The following EFNA5 variants were observed in gnomAD, a reference collection of about 807,000 sequenced individuals.
EFNA5 encodes ephrin-A5.
Under a neutral mutation model 22.9 loss-of-function variants are expected in EFNA5, and 5 were observed. That is an observed-to-expected ratio of 0.22 (90% CI 0.11 to 0.46). The LOEUF is 0.46. Ranked by LOEUF, EFNA5 falls within the 20% of genes least tolerant of loss-of-function variation. EFNA5 has a pLI of 0.99. For missense variants in EFNA5, 237 were observed against 293.3 expected (o/e 0.81, Z 1.40); for synonymous variants, 113 against 112.2 (o/e 1.01, Z -0.04).
intron 1 of EFNA5, among the ~76,000 whole-genome samples, chr5:107,539,575 C>T (rs533519794): frequency 1.2e-4 from 18 of 152,312 alleles, no homozygotes; most frequent in African/African-American, 4.1e-4. Flanking sequence ...TCTCCTGTCT[C>T]AGCCTCCCAA....
At chr5:107,655,557 T>C (rs945456847) in intron 1 of EFNA5, among the ~76,000 whole-genome samples, 5 of 152,128 alleles carry the variant, frequency 3.3e-5, no homozygotes, top group African/African-American at 1.2e-4. Flanking sequence ...GTACAGCGCA[T>C]AAGGATCATT....
chr5:107,563,903 C>G, intron 1 of EFNA5, among the ~76,000 whole-genome samples: 1 of 152,290 alleles, frequency 6.6e-6, no homozygotes, highest in South Asian at 2.1e-4. Context: ...CAGTCTTGTT[C>G]GCAAGTCATC....
At chr5:107,460,186 A>G (rs1749797599) in intron 1 of EFNA5, among the ~76,000 whole-genome samples, 1 of 152,182 alleles carries the variant, frequency 6.6e-6, no homozygotes, top group African/African-American at 2.4e-5. Context: ...TAAAAGCAGA[A>G]CATATGTAAA....
intron 2 of EFNA5, among the ~76,000 whole-genome samples, chr5:107,389,642 A>AT (rs1166609782): frequency 6.6e-6 from 1 of 152,156 alleles, no homozygotes; most frequent in Non-Finnish European, 1.5e-5. Flanking sequence ...GGTCTTTCAG[A>AT]TTTTTCTTTA....
chr5:107,516,173 T>TG (rs1747473103), intron 1 of EFNA5, among the ~76,000 whole-genome samples: 2 of 126,358 alleles, frequency 1.6e-5, no homozygotes, highest in East Asian at 2.3e-4. Flanking sequence ...CCTGGCTAGT[T>TG]TTGTGTGTGT....
At chr5:107,413,134 C>T (rs1748414872) in intron 2 of EFNA5, among the ~76,000 whole-genome samples, 1 of 152,146 alleles carries the variant, frequency 6.6e-6, no homozygotes, top group South Asian at 2.1e-4. Context: ...GCCCAACTCT[C>T]CAAACCTAAT....
At chr5:107,606,978 TTTTC>T (rs1329773371) in intron 1 of EFNA5, among the ~76,000 whole-genome samples, 1 of 152,214 alleles carries the variant, frequency 6.6e-6, no homozygotes, top group Non-Finnish European at 1.5e-5. Context: ...GGGATTGATA[TTTTC>T]TTTGTTTCTC....
intron 2 of EFNA5, among the ~76,000 whole-genome samples, chr5:107,419,670 A>G (rs1008901765): frequency 1.3e-5 from 2 of 152,154 alleles, no homozygotes; most frequent in Non-Finnish European, 2.9e-5. Flanking sequence ...CTGTATTAAT[A>G]CAAGTGTGTC....
At chr5:107,492,319 C>T (rs1580491081) in intron 1 of EFNA5, among the ~76,000 whole-genome samples, 1 of 152,072 alleles carries the variant, frequency 6.6e-6, no homozygotes, top group Non-Finnish European at 1.5e-5. Context: ...TAAAACACTG[C>T]ACCTGGACAC....
chr5:107,536,885 TC>T (rs1036550358), intron 1 of EFNA5, among the ~76,000 whole-genome samples: 1 of 152,146 alleles, frequency 6.6e-6, no homozygotes, highest in African/African-American at 2.4e-5. Context: ...GGTGGGCAGA[TC>T]ATGAGGTCAG....
intron 1 of EFNA5, among the ~76,000 whole-genome samples, chr5:107,648,379 T>A (rs1750667801): frequency 6.6e-6 from 1 of 152,204 alleles, no homozygotes; most frequent in Non-Finnish European, 1.5e-5. Flanking sequence ...TGAATTAAAA[T>A]ACTATATACA....
chr5:107,547,883 G>T (rs2112466025), intron 1 of EFNA5, among the ~76,000 whole-genome samples: 1 of 152,180 alleles, frequency 6.6e-6, no homozygotes, highest in African/African-American at 2.4e-5. Context: ...GGCTTAAATT[G>T]AATCACTATT....
At chr5:107,496,733 C>T (rs1230059364) in intron 1 of EFNA5, among the ~76,000 whole-genome samples, 1 of 152,182 alleles carries the variant, frequency 6.6e-6, no homozygotes, top group Non-Finnish European at 1.5e-5. Context: ...TAGTGGATGA[C>T]CCATTCCTGG....
chr5:107,431,430 A>T (rs1458147489), intron 1 of EFNA5, among the ~76,000 whole-genome samples: 1 of 152,216 alleles, frequency 6.6e-6, no homozygotes, highest in Non-Finnish European at 1.5e-5. Context: ...GCACATAAGT[A>T]TGGCTAATAT....
At chr5:107,639,878 T>C (rs1473619217) in intron 1 of EFNA5, among the ~76,000 whole-genome samples, 4 of 152,224 alleles carry the variant, frequency 2.6e-5, no homozygotes, top group Non-Finnish European at 5.9e-5. Flanking sequence ...GTTAATAGTT[T>C]GATCCCATAA....
intron 1 of EFNA5, among the ~76,000 whole-genome samples, chr5:107,582,352 C>T (rs1049133918): frequency 2.0e-5 from 3 of 152,134 alleles, no homozygotes; most frequent in South Asian, 2.1e-4. Flanking sequence ...AAATTAAGTT[C>T]ATTTGGGGCT....
At chr5:107,667,709 T>G (rs778585434) in intron 1 of EFNA5, among the ~76,000 whole-genome samples, 1 of 152,208 alleles carries the variant, frequency 6.6e-6, no homozygotes, top group Admixed American at 6.5e-5. Flanking sequence ...AAGTTGCAAT[T>G]AAAGTCCTCT....
chr5:107,538,445 A>G (rs564283861), intron 1 of EFNA5, among the ~76,000 whole-genome samples: 66 of 152,352 alleles, frequency 4.3e-4, no homozygotes, highest in African/African-American at 1.6e-3. Context: ...ACAAAAATTT[A>G]GATGCCCAAA....
intron 1 of EFNA5, among the ~76,000 whole-genome samples, chr5:107,638,751 C>T (rs1750438133): frequency 6.6e-6 from 1 of 152,070 alleles, no homozygotes. Flanking sequence ...AACAATCCTC[C>T]ACGGATACCG....
Sources: allele counts gnomAD v4.1 joint callset (sites outside exome capture counted in the v4.1 genomes callset), GRCh38; gene constraint gnomAD v4.1.1; transcripts MANE v1.5; gene names NCBI Gene and HGNC (gene_info 2026-07-23, HGNC 2026-07-21).